Variants in GLIS3 observed in about 807,000 individuals in gnomAD.
GLIS3 encodes the protein zinc finger protein GLIS3.
Under a neutral mutation model 78.6 loss-of-function variants are expected in GLIS3, and 53 were observed. That is an observed-to-expected ratio of 0.67 (90% CI 0.54 to 0.85). GLIS3 has a LOEUF of 0.85. Ranked by LOEUF, GLIS3 falls within the 40% of genes least tolerant of loss-of-function variation. The pLI is 0.00. For synonymous variants in GLIS3, 684 were observed against 509.9 expected (o/e 1.34, Z -4.60); for missense variants, 1,703 against 1,231.1 (o/e 1.38, Z -5.74).
At chr9:3,941,581 A>G (rs1484481524) in intron 4 of GLIS3, among the ~76,000 whole-genome samples, 2 of 151,956 alleles carry the variant, frequency 1.3e-5, no homozygotes, top group Admixed American at 6.5e-5. Flanking sequence ...TGCCCATTAC[A>G]TTCCCCTGTT....
chr9:3,948,132 TG>T (rs1279071757), intron 4 of GLIS3, among the ~76,000 whole-genome samples: 1 of 152,182 alleles, frequency 6.6e-6, no homozygotes, highest in East Asian at 1.9e-4. Context: ...ACCATTCACT[TG>T]CTTCTAAAAT....
intron 2 of GLIS3, among the ~76,000 whole-genome samples, chr9:4,135,599 T>C (rs1017286167): frequency 2.0e-5 from 3 of 152,194 alleles, no homozygotes; most frequent in African/African-American, 4.8e-5. Flanking sequence ...TAATATAATA[T>C]ACATATTCAT....
At chr9:4,378,269 C>A in the GLIS3 span, among the ~76,000 whole-genome samples, 1 of 152,008 alleles carries the variant, frequency 6.6e-6, no homozygotes, top group African/African-American at 2.4e-5. Flanking sequence ...TTACATAATG[C>A]CAGTTACATT....
chr9:4,010,954 G>C (rs906256166), intron 4 of GLIS3, among the ~76,000 whole-genome samples: 7 of 152,162 alleles, frequency 4.6e-5, no homozygotes, highest in Non-Finnish European at 8.8e-5. Context: ...GATGTACTTA[G>C]AGTAGAACAT....
chr9:4,098,677 C>T (rs758219813), intron 4 of GLIS3, among the ~76,000 whole-genome samples: 2 of 152,084 alleles, frequency 1.3e-5, no homozygotes, highest in African/African-American at 2.4e-5. Flanking sequence ...CATCCTTTGC[C>T]GTAATATCAT....
At chr9:4,362,142 C>A in the GLIS3 span, among the ~76,000 whole-genome samples, 1 of 152,250 alleles carries the variant, frequency 6.6e-6, no homozygotes, top group Non-Finnish European at 1.5e-5. Context: ...GCTGTCAAGA[C>A]AAAACCCAGG....
At chr9:4,466,558 T>C in the GLIS3 span, among the ~76,000 whole-genome samples, 1 of 152,178 alleles carries the variant, frequency 6.6e-6, no homozygotes, top group Admixed American at 6.5e-5. Context: ...GCAAATTTAA[T>C]CTAACAATAT....
At chr9:3,877,338 T>C (rs2130443570) in intron 8 of GLIS3, among the ~76,000 whole-genome samples, 1 of 152,366 alleles carries the variant, frequency 6.6e-6, no homozygotes, top group Non-Finnish European at 1.5e-5. Flanking sequence ...AATGGATGGT[T>C]ATCATTTGCG....
chr9:4,240,462 G>C (rs1478699878), intron 2 of GLIS3, among the ~76,000 whole-genome samples: 1 of 151,934 alleles, frequency 6.6e-6, no homozygotes. Context: ...CTGGGGATTG[G>C]GAACCCCTGA....
chr9:4,117,698 G>A, intron 4 of GLIS3, 70 bp downstream of exon 4: 1 of 1,589,130 alleles, frequency 6.3e-7, no homozygotes, highest in Admixed American at 1.7e-5. Context: ...GCCGAGTTAG[G>A]AAAAAACACA....
the GLIS3 span, among the ~76,000 whole-genome samples, chr9:4,455,636 ACT>A: frequency 2.0e-5 from 3 of 152,062 alleles, no homozygotes; most frequent in African/African-American, 7.2e-5. Context: ...TTTCAAAAAC[ACT>A]CTATTTTTAA....
intron 2 of GLIS3, among the ~76,000 whole-genome samples, chr9:4,316,917 T>G (rs1817445718): frequency 6.6e-6 from 1 of 151,988 alleles, no homozygotes; most frequent in Non-Finnish European, 1.5e-5. Context: ...GGAACTTAAC[T>G]CTTGTTTATA....
At position 4,118,302 on chromosome 9, in the gene GLIS3, G is replaced by C. The variant is rs747717621; in HGVS notation, c.1176C>G (p.His392Gln). 12 of 1,578,100 alleles carry C rather than the reference G, an allele frequency of 7.6e-6. No individual in the cohort carries two copies. In the East Asian group the frequency reaches 1.6e-4, roughly 21 times the overall value. Residue 392 changes from histidine to glutamine, a missense_variant, in exon 4 of 11, where the codon CAC becomes CAG. Transcript: ENST00000381971. This position sits in a 1 kb window ranked among gnomAD's most constrained non-coding sequence, Gnocchi z 4.7. ...CGTGCTCCAGCTGTTGCATGCGCTC[G>C]TGCTCCAGGGCCCCGTCCTCGCCGT... ...PAYGEDGALEHERMQQLEHGG... is the reference protein window; with the variant it reads ...PAYGEDGALEQERMQQLEHGG...
At chr9:4,301,992 CTTTT>C (rs78812027), upstream of GLIS3, among the ~76,000 whole-genome samples, 9 of 132,846 alleles carry the variant, frequency 6.8e-5, no homozygotes, top group African/African-American at 2.4e-4. Context: ...GAATTTTTTT[CTTTT>C]TTTTTTTTTC....
chr9:4,035,502 G>C (rs776422329), intron 4 of GLIS3, among the ~76,000 whole-genome samples: 1 of 151,558 alleles, frequency 6.6e-6, no homozygotes, highest in East Asian at 1.9e-4. Context: ...TTTAACTTTA[G>C]CTCCCATGGA....
chr9:4,288,138 G>C (rs993302967), intron 1 of GLIS3, among the ~76,000 whole-genome samples: 11 of 152,138 alleles, frequency 7.2e-5, no homozygotes, highest in African/African-American at 2.7e-4. Context: ...ATTTATGTAG[G>C]AGAACTCCTG....
the GLIS3 span, among the ~76,000 whole-genome samples, chr9:4,424,835 A>G: frequency 6.6e-6 from 1 of 151,760 alleles, no homozygotes; most frequent in African/African-American, 2.4e-5. Flanking sequence ...ACTAGGATTA[A>G]AGGTGTGAGC....
At chr9:4,225,016 G>T (rs965341137) in intron 2 of GLIS3, among the ~76,000 whole-genome samples, 3 of 150,674 alleles carry the variant, frequency 2.0e-5, no homozygotes, top group Non-Finnish European at 4.4e-5. Context: ...TATTTTTCTG[G>T]TAAGCCTTCA....
At position 3,853,361 on chromosome 9, in the gene GLIS3, C is replaced by G. The variant is rs1588088669; in HGVS notation, c.2473+2648G>C. On this transcript the variant is annotated intron_variant, in intron 9 of 10. Transcript: ENST00000381971. ...ATGGGTAGATCCCATTTTCTGTATC[C>G]TCTTGTTCATTATTCATTTGTTGAA... is the stretch of plus-strand genomic sequence containing the variant. 2.0e-5 allele frequency among the ~76,000 whole-genome samples: 3 copies of G among 151,694 alleles called. No individual in the cohort carries two copies. In the East Asian group the frequency reaches 5.8e-4, roughly 30 times the overall value.
Sources: allele counts gnomAD v4.1 joint callset (sites outside exome capture counted in the v4.1 genomes callset), GRCh38; gene constraint gnomAD v4.1.1; non-coding constraint Gnocchi (gnomAD v3.1); transcripts MANE v1.5; gene names NCBI Gene and HGNC (gene_info 2026-07-23, HGNC 2026-07-21).